The following ADH6 variants were observed in gnomAD, a reference collection of about 807,000 sequenced individuals.
The protein encoded by ADH6 is alcohol dehydrogenase 6 (class V).
Under a neutral mutation model 36.5 loss-of-function variants are expected in ADH6, and 34 were observed. The ratio of observed to expected loss-of-function variants is 0.93; its 90% CI spans 0.71 to 1.24. The LOEUF is 1.24. Ranked by LOEUF, ADH6 falls within the 50% of genes most tolerant of loss-of-function variation. The pLI is 0.00. For synonymous variants in ADH6, 161 were observed against 155.5 expected, an observed-to-expected ratio of 1.04 and a Z score of -0.26; for missense variants, 440 against 447.0, an observed-to-expected ratio of 0.98 and a Z score of 0.14.
Position 99,202,763 on chromosome 4 carries a change from TC to T in ADH6, c.*1455del. On this transcript the variant is annotated 3_prime_UTR_variant, in exon 9 of 9. Transcript: ENST00000394899. ...CTCCAAGTTCTCACTGTTAGTAAGG[TC>T]AATTTGGGGGCAGAACAGGAACATG... is the stretch of plus-strand genomic sequence containing the variant. 1 of 398,042 alleles carries T rather than the reference TC, an allele frequency of 2.5e-6. No individual in the cohort carries two copies. The highest frequency in any genetic ancestry group is 4.4e-5 in the Admixed American group (1 of 22,678). The allele number at this position is 398,042 out of a possible 1,614,324, so 24.7% of individuals were successfully genotyped here.
chr4:99,202,867 G>A lies in ADH6; in HGVS notation c.*1352C>T. ...TCCAGCTCAGACTTGGGAAGATGGA[G>A]AAGAGCCATCCCAAGTCCAGAGTGA... On this transcript the variant is annotated 3_prime_UTR_variant, in exon 9 of 9. Transcript: ENST00000394899. 1 of 397,530 alleles carries A rather than the reference G, an allele frequency of 2.5e-6. No individual in the cohort carries two copies. Among genetic ancestry groups the A allele is most frequent in the Non-Finnish European group, 4.4e-6 (1 of 225,268 alleles). 24.6% of individuals were successfully genotyped at this position (397,530 alleles called of 1,614,324 possible). A position where few individuals can be genotyped will look rare whatever the true frequency, so the allele number is the denominator to read the frequency against.
chr4:99,213,798 GT>G, intron 2 of ADH6, 51 bp from the exon 3 acceptor site: 1 of 1,466,180 alleles, frequency 6.8e-7, no homozygotes, highest in Non-Finnish European at 9.1e-7. Context: ...AGATAATGGT[GT>G]TTTAGAGTTG....
In ADH6 at chr4:99,203,999, T is replaced by A; in HGVS notation, c.*220A>T. 1 of 526,810 alleles carries A rather than the reference T, an allele frequency of 1.9e-6. No homozygotes were observed. The allele number at this position is 526,810 out of a possible 1,614,324, so 32.6% of individuals were successfully genotyped here. A position where few individuals can be genotyped will look rare whatever the true frequency, so the allele number is the denominator to read the frequency against. ...TGATTCAAGCCAACCTTAATCTAGC[T>A]CTGAAAAGGAGGCTGATCCTTGGTG... On this transcript the variant is annotated 3_prime_UTR_variant, in exon 9 of 9. Coordinates refer to ENST00000394899, the MANE Select transcript of ADH6 (RefSeq NM_001102470.2).
chr4:99,218,844 G>T (rs948930872), intron 1 of ADH6, among the ~76,000 whole-genome samples: 1 of 151,346 alleles, frequency 6.6e-6, no homozygotes, highest in African/African-American at 2.5e-5. Context: ...CTTTATAATT[G>T]CTCTTTTATA....
intron 8 of ADH6, chr4:99,204,472 G>C: frequency 7.6e-7 from 1 of 1,321,580 alleles, no homozygotes; most frequent in African/African-American, 1.5e-5. Flanking sequence ...CCAGTTTCTG[G>C]GTTATGGCTG....
rs779139909 is a variant in ADH6, at chr4:99,204,218, C to T, written c.*1G>A. 1.2e-6 allele frequency: 2 copies of T among 1,601,316 alleles called. No homozygotes were observed. The highest frequency in any genetic ancestry group is 1.7e-6 in the Non-Finnish European group (2 of 1,177,778). ...TGGGTCTTGCATGTATTACATTGTA[C>T]TTAAAGTAACAGGATACAGCGGATA... is the stretch of plus-strand genomic sequence containing the variant. On this transcript the variant is annotated 3_prime_UTR_variant, in exon 9 of 9. Coordinates refer to ENST00000394899, the MANE Select transcript of ADH6 (RefSeq NM_001102470.2).
Position 99,205,083 on chromosome 4 carries a change from A to G in ADH6, c.965-20T>C. 6.4e-7 allele frequency: 1 copy of G among 1,550,942 alleles called. No homozygotes were observed. Among genetic ancestry groups the G allele is most frequent in the Non-Finnish European group, 8.7e-7 (1 of 1,151,646 alleles). ...TCCAGCCTGGAAATACAGATTAATG[A>G]TGAATTTTACACATGAGGCTTCATT... On this transcript the variant is annotated intron_variant, in intron 7 of 8. Transcript: ENST00000394899.
At chr4:99,211,743 GA>G (rs1369785341) in intron 3 of ADH6, among the ~76,000 whole-genome samples, 1 of 152,164 alleles carries the variant, frequency 6.6e-6, no homozygotes, top group Non-Finnish European at 1.5e-5. Flanking sequence ...GGCAGAAGAG[GA>G]AGTAAAAGTG....
intron 1 of ADH6, among the ~76,000 whole-genome samples, chr4:99,217,336 A>T (rs1731484107): frequency 1.3e-5 from 2 of 152,082 alleles, no homozygotes; most frequent in Non-Finnish European, 1.5e-5. Context: ...ACGCCCGGCC[A>T]TGTTTGTACC....
intron 6 of ADH6, chr4:99,208,416 G>T (rs548335469): frequency 4.0e-4 from 149 of 370,844 alleles, no homozygotes; most frequent in African/African-American, 2.7e-3. Flanking sequence ...GATTTATAAG[G>T]TCATTAATCA....
In ADH6 at chr4:99,203,337, AAG is replaced by A. The variant is rs1385461235; in HGVS notation, c.*880_*881del. On this transcript the variant is annotated 3_prime_UTR_variant, in exon 9 of 9. Coordinates refer to ENST00000394899, the MANE Select transcript of ADH6 (RefSeq NM_001102470.2). ...CCTTAGTCCTAATTCTAGGAGAACT[AAG>A]AGGGGCTGGGGCAGAAAGTCAAAGG... The A allele has an allele frequency of 1.3e-5, 2 of 152,052 alleles. No individual in the cohort carries two copies. The highest frequency in any genetic ancestry group is 4.8e-5 in the African/African-American group (2 of 41,402). The allele number at this position is 152,052 out of a possible 1,614,324, so 9.4% of individuals were successfully genotyped here. A position where few individuals can be genotyped will look rare whatever the true frequency, so the allele number is the denominator to read the frequency against.
chr4:99,209,924 G>T (rs901555313), intron 5 of ADH6, among the ~76,000 whole-genome samples, 158 bp downstream of exon 5: 2 of 152,108 alleles, frequency 1.3e-5, no homozygotes, highest in African/African-American at 4.8e-5. Flanking sequence ...TGTTGAAGGG[G>T]GTGTGGGATG....
intron 1 of ADH6, among the ~76,000 whole-genome samples, chr4:99,218,455 T>G (rs1044663808): frequency 6.6e-6 from 1 of 152,216 alleles, no homozygotes; most frequent in East Asian, 1.9e-4. Flanking sequence ...CTTTATACCA[T>G]TGCCATTTGA....
chr4:99,216,590 T>C (rs1731437705), intron 1 of ADH6, among the ~76,000 whole-genome samples: 1 of 152,100 alleles, frequency 6.6e-6, no homozygotes, highest in East Asian at 1.9e-4. Flanking sequence ...CTCACGCCTG[T>C]AATTCCAGCA....
intron 1 of ADH6, among the ~76,000 whole-genome samples, chr4:99,218,705 C>T (rs932978251): frequency 3.3e-5 from 5 of 152,208 alleles, no homozygotes; most frequent in Non-Finnish European, 7.3e-5. Flanking sequence ...ACACACTTCT[C>T]CTTTACCTGG....
At chr4:99,204,614 T>G (rs1730954685) in intron 8 of ADH6, 10 of 1,171,410 alleles carry the variant, frequency 8.5e-6, no homozygotes, top group Non-Finnish European at 1.1e-5. Flanking sequence ...TTTTTAAACT[T>G]GAGCTACAAT....
Position 99,203,861 on chromosome 4 carries a change from G to GA in ADH6, c.*357_*358insT, listed in dbSNP as rs1730932789. 5.2e-6 allele frequency: 1 copy of GA among 191,654 alleles called. No individual in the cohort carries two copies. The highest frequency in any genetic ancestry group is 2.3e-5 in the African/African-American group (1 of 43,080). 11.9% of individuals were successfully genotyped at this position (191,654 alleles called of 1,614,324 possible). ...TAAAATGGCAGAGTTTCATGTCTAGGCCTGTGAGAGAGACATATAGTGTAC... is the reference window on the plus strand; with the variant it reads ...TAAAATGGCAGAGTTTCATGTCTAGGACCTGTGAGAGAGACATATAGTGTAC... On this transcript the variant is annotated 3_prime_UTR_variant, in exon 9 of 9. Transcript: ENST00000394899.
At chr4:99,207,360 T>A in intron 7 of ADH6, 86 bp downstream of exon 7, 2 of 1,550,436 alleles carry the variant, frequency 1.3e-6, no homozygotes, top group Non-Finnish European at 1.8e-6. Context: ...TTGTTTTATG[T>A]CCTTTCTTAA....
chr4:99,216,210 A>G lies in ADH6; in HGVS notation c.71T>C (p.Ile24Thr), dbSNP rs771048382. The change falls in exon 2 of 9, where the codon ATT becomes ACT. Residue 24 changes from isoleucine (I) to threonine (T), a missense_variant. Physicochemically the swap from Ile to Thr is moderately conservative, Grantham distance 89 (BLOSUM62 -1). Coordinates refer to ENST00000394899, the MANE Select transcript of ADH6 (RefSeq NM_001102470.2). ...TGGTGGGGCCACTTCTACCTCTTCA[A>G]TAGAAAATGGTGCACCAGGCTTCCA... ...ILWKPGAPFS[I>T]EEVEVAPPKA... 1.3e-6 allele frequency: 2 copies of G among 1,583,878 alleles called. No homozygotes were observed. The highest frequency in any genetic ancestry group is 8.6e-7 in the Non-Finnish European group (1 of 1,167,100).
Sources: gnomAD v4.1 joint callset for allele counts (sites outside exome capture counted in the v4.1 genomes callset) on GRCh38, gnomAD v4.1.1 for gene constraint, MANE v1.5 for transcripts, NCBI Gene and HGNC (gene_info 2026-07-23, HGNC 2026-07-21) for gene names.